The following ADK variants were observed in gnomAD, a reference collection of about 807,000 sequenced individuals.
ADK encodes the protein adenosine kinase, also known as N6,N6-dimethyladenosine kinase.
A neutral mutation model predicts 44.7 loss-of-function variants in ADK; 24 were observed. The observed-to-expected ratio is 0.54, with a 90% CI of 0.39 to 0.76. The LOEUF (loss-of-function observed/expected upper bound fraction) is 0.76. Among genes scored for constraint, ADK ranks in the 30% least tolerant of loss-of-function variants. ADK has a pLI of 0.00. For missense variants in ADK, 321 were observed against 425.1 expected (o/e 0.76, Z 2.15); for synonymous variants, 128 against 142.6 (o/e 0.90, Z 0.73).
rs558153287 is a variant in ADK at position 74,358,848 on chromosome 10, A to G, written c.274-35293A>G. ...ATTTGTAAATATTGAATCGTTTTTT[A>G]AATGATACTCTGAGTCATAATTATT... On this transcript the variant is annotated intron_variant, in intron 4 of 10. Coordinates refer to ENST00000539909, the MANE Select transcript of ADK (RefSeq NM_006721.4). Among the ~76,000 whole-genome samples the G allele has an allele frequency of 3.9e-5, 6 of 152,358 alleles. No individual in the cohort carries two copies. In the South Asian group the frequency reaches 8.3e-4, roughly 21 times the overall value.
intron 6 of ADK, among the ~76,000 whole-genome samples, chr10:74,454,607 C>G (rs190813870): frequency 7.2e-5 from 11 of 152,206 alleles, no homozygotes; most frequent in Admixed American, 3.3e-4. Flanking sequence ...AAATATCTTT[C>G]CCTCCTGATA....
chr10:74,168,211 C>T (rs1404285985), intron 1 of ADK, among the ~76,000 whole-genome samples: 4 of 152,108 alleles, frequency 2.6e-5, no homozygotes, highest in Non-Finnish European at 2.9e-5. Context: ...AACAGATGCT[C>T]GATAAATATT....
intron 10 of ADK, among the ~76,000 whole-genome samples, chr10:74,693,422 G>A (rs1757119736): frequency 6.6e-6 from 1 of 152,160 alleles, no homozygotes; most frequent in Non-Finnish European, 1.5e-5. Context: ...GTGTTTCCCA[G>A]TGTCATCAAT....
intron 4 of ADK, among the ~76,000 whole-genome samples, chr10:74,326,501 C>CT (rs1477152019): frequency 6.6e-6 from 1 of 151,274 alleles, no homozygotes; most frequent in African/African-American, 2.4e-5. Context: ...TGGGAGGCCT[C>CT]TTGGGAGGCT....
At chr10:74,658,644 G>C (rs1010724617) in intron 9 of ADK, among the ~76,000 whole-genome samples, 9 of 151,864 alleles carry the variant, frequency 5.9e-5, no homozygotes, top group African/African-American at 2.2e-4. Context: ...GTGCAGGCTG[G>C]TCTCAAACTC....
chr10:74,356,014 T>TTTTTTTTTTTTTTTTTTTTTTTTTTTTTG (rs1554847186), intron 4 of ADK, among the ~76,000 whole-genome samples: 2 of 128,214 alleles, frequency 1.6e-5, no homozygotes, highest in South Asian at 2.6e-4. Flanking sequence ...TTTTTTTTTT[T>TTTTTTTTTTTTTTTTTTTTTTTTTTTTTG]TTTTTTTTTT....
At chr10:74,330,211 G>A (rs982921709) in intron 4 of ADK, among the ~76,000 whole-genome samples, 2 of 151,982 alleles carry the variant, frequency 1.3e-5, no homozygotes, top group African/African-American at 4.8e-5. Context: ...TCTAATGTGG[G>A]TTTTTGCTTT....
At chr10:74,655,576 G>A in intron 9 of ADK, 1 of 479,994 alleles carries the variant, frequency 2.1e-6, no homozygotes, top group African/African-American at 2.0e-5. Context: ...AGAAAGAGGT[G>A]GGGGTACCTA....
At chr10:74,195,086 C>CA (rs1403181692) in intron 1 of ADK, among the ~76,000 whole-genome samples, 7 of 87,036 alleles carry the variant, frequency 8.0e-5, no homozygotes, top group Non-Finnish European at 1.7e-4. Flanking sequence ...ACCGCTCCCC[C>CA]CCCCAAAAAA....
intron 1 of ADK, among the ~76,000 whole-genome samples, chr10:74,200,198 T>C (rs1843323370): frequency 6.8e-6 from 1 of 147,090 alleles, no homozygotes; most frequent in Non-Finnish European, 1.5e-5. Flanking sequence ...TAATAGTTAT[T>C]CTGGGCTGGG....
At chr10:74,281,065 G>A (rs1846915044) in intron 3 of ADK, among the ~76,000 whole-genome samples, 1 of 152,154 alleles carries the variant, frequency 6.6e-6, no homozygotes. Context: ...TTTGTGAGCC[G>A]ACAAGAGACT....
At chr10:74,168,311 G>A (rs1328973619) in intron 1 of ADK, among the ~76,000 whole-genome samples, 2 of 151,932 alleles carry the variant, frequency 1.3e-5, no homozygotes, top group African/African-American at 2.4e-5. Context: ...AGGCCGAGGC[G>A]GGCAGATCAT....
chr10:74,246,127 G>A (rs146516499), intron 3 of ADK, among the ~76,000 whole-genome samples: 12 of 152,044 alleles, frequency 7.9e-5, no homozygotes, highest in African/African-American at 2.7e-4. Context: ...GGAGGGGGGG[G>A]TCAGGGGTCC....
intron 4 of ADK, among the ~76,000 whole-genome samples, chr10:74,379,639 AT>A (rs1842920847): frequency 6.6e-6 from 1 of 152,144 alleles, no homozygotes; most frequent in South Asian, 2.1e-4. Context: ...GATGCTTTGC[AT>A]TGCTCCTCCC....
At chr10:74,465,881 AT>A (rs551628505) in intron 6 of ADK, among the ~76,000 whole-genome samples, 2 of 152,044 alleles carry the variant, frequency 1.3e-5, no homozygotes, top group African/African-American at 4.8e-5. Flanking sequence ...TAATTTAATA[AT>A]TTTTTTGTCT....
At chr10:74,619,463 A>T (rs1852901652) in intron 9 of ADK, among the ~76,000 whole-genome samples, 1 of 152,122 alleles carries the variant, frequency 6.6e-6, no homozygotes, top group African/African-American at 2.4e-5. Flanking sequence ...TCAAAAAAAA[A>T]AAAAATCTAG....
chr10:74,456,204 A>G (rs1350546983), intron 6 of ADK, among the ~76,000 whole-genome samples: 1 of 152,172 alleles, frequency 6.6e-6, no homozygotes, highest in Non-Finnish European at 1.5e-5. Context: ...AGACATCTAC[A>G]GAACTCTCCA....
At chr10:74,550,700 A>G (rs1850004530) in intron 7 of ADK, among the ~76,000 whole-genome samples, 2 of 152,214 alleles carry the variant, frequency 1.3e-5, no homozygotes, top group Non-Finnish European at 2.9e-5. Context: ...CCAACAATCA[A>G]TCTTAAAGAC....
At chr10:74,255,836 G>A (rs1845803642) in intron 3 of ADK, among the ~76,000 whole-genome samples, 1 of 152,166 alleles carries the variant, frequency 6.6e-6, no homozygotes, top group South Asian at 2.1e-4. Context: ...TGTTCTTTAA[G>A]ACCATTCTTT....
Sources: gnomAD v4.1 joint callset for allele counts (sites outside exome capture counted in the v4.1 genomes callset) on GRCh38, gnomAD v4.1.1 for gene constraint, MANE v1.5 for transcripts, NCBI Gene and HGNC (gene_info 2026-07-23, HGNC 2026-07-21) for gene names.